Variants in KALRN observed in about 807,000 individuals in gnomAD.
KALRN encodes the protein kalirin.
Under a neutral mutation model 353.7 loss-of-function variants are expected in KALRN, and 70 were observed. The ratio of observed to expected loss-of-function variants is 0.20; its 90% confidence interval spans 0.16 to 0.24. The LOEUF (loss-of-function observed/expected upper bound fraction) is 0.24. KALRN is among the 10% of genes least tolerant of loss of function. The pLI is 1.00. For synonymous variants in KALRN, 1,391 were observed against 1,434.8 expected (o/e 0.97, Z 0.69); for missense variants, 2,791 against 3,756.7 (o/e 0.74, Z 6.72).
At chr3:124,282,146 TG>T (rs1389704458) in intron 5 of KALRN, among the ~76,000 whole-genome samples, 1 of 152,114 alleles carries the variant, frequency 6.6e-6, no homozygotes, top group Non-Finnish European at 1.5e-5. Context: ...GACCAGTGAC[TG>T]GCTGGATGTC....
chr3:124,227,990 G>C lies in KALRN; in HGVS notation c.74G>C (p.Gly25Ala). Reference sequence around the variant, plus strand: ...TTCCTTCTGGTTTGTTGTCCCACAGGGTCTTTTCGGAATGATGGTTTGAAA... The same window carrying C: ...TTCCTTCTGGTTTGTTGTCCCACAGCGTCTTTTCGGAATGATGGTTTGAAA... ...DSDVDAFFRTGSFRNDGLKAS... is the reference protein window; with the variant it reads ...DSDVDAFFRTASFRNDGLKAS... The change falls in exon 2 of 60, where the codon GGG becomes GCG. Residue 25 changes from glycine (G) to alanine (A), a missense_variant and splice_region_variant. By Grantham distance (60) the Gly-to-Ala change is moderately conservative. Transcript: ENST00000682506. 2 of 1,613,714 alleles carry C rather than the reference G, an allele frequency of 1.2e-6. No homozygotes were observed. The highest frequency in any genetic ancestry group is 1.1e-5 in the South Asian group (1 of 91,056).
chr3:124,203,258 G>A (rs59254552), intron 1 of KALRN, among the ~76,000 whole-genome samples: 20,747 of 152,138 alleles, frequency 0.14, 1,749 homozygotes, highest in Middle Eastern at 0.22. Context: ...AGTCTGGCTC[G>A]TTATCCCTGA....
chr3:124,628,672 C>T (rs1222381971), intron 34 of KALRN, among the ~76,000 whole-genome samples: 6 of 151,102 alleles, frequency 4.0e-5, no homozygotes, highest in African/African-American at 1.5e-4. Context: ...GCCTCCTAGG[C>T]TCAAACTGTT....
intron 5 of KALRN, among the ~76,000 whole-genome samples, chr3:124,284,086 G>A (rs528293043): frequency 6.6e-5 from 10 of 152,312 alleles, no homozygotes; most frequent in Non-Finnish European, 1.5e-5. Context: ...AGGAGAAAGC[G>A]GAGGCAGAGA....
At chr3:124,470,651 A>G (rs761039923) in intron 25 of KALRN, among the ~76,000 whole-genome samples, 2 of 152,154 alleles carry the variant, frequency 1.3e-5, no homozygotes, top group African/African-American at 2.4e-5. Flanking sequence ...ATGCTCATCT[A>G]TGGACTGGAT....
chr3:124,584,717 C>T (rs1260965927), intron 34 of KALRN: 6 of 1,487,068 alleles, frequency 4.0e-6, no homozygotes, highest in Admixed American at 4.7e-5. Context: ...GCGGGGAGGG[C>T]GGGAGCCGGC....
chr3:124,331,573 G>A (rs1344856508), intron 8 of KALRN, among the ~76,000 whole-genome samples: 5 of 152,282 alleles, frequency 3.3e-5, no homozygotes, highest in East Asian at 1.9e-4. Context: ...AAGGTACAAC[G>A]AAGGACTTAC....
chr3:124,281,685 C>T (rs1057508126), intron 5 of KALRN, among the ~76,000 whole-genome samples: 2 of 152,182 alleles, frequency 1.3e-5, no homozygotes, highest in Non-Finnish European at 1.5e-5. Flanking sequence ...CTTATCCATC[C>T]CCCTCAAATT....
intron 34 of KALRN, among the ~76,000 whole-genome samples, chr3:124,592,456 A>T (rs527968719): frequency 1.4e-4 from 20 of 146,730 alleles, no homozygotes; most frequent in African/African-American, 3.2e-4. Flanking sequence ...CTACATTATA[A>T]AAAAAAAAGA....
intron 34 of KALRN, among the ~76,000 whole-genome samples, chr3:124,593,309 A>G (rs2075983331): frequency 6.6e-6 from 1 of 152,206 alleles, no homozygotes; most frequent in South Asian, 2.1e-4. Context: ...TACTCACAGA[A>G]TGACTTAGAG....
intron 1 of KALRN, among the ~76,000 whole-genome samples, chr3:124,054,799 T>C (rs1437651767): frequency 6.6e-6 from 1 of 152,214 alleles, no homozygotes; most frequent in African/African-American, 2.4e-5. Flanking sequence ...TGGTTATATA[T>C]TCTTTTCCTG....
intron 28 of KALRN, among the ~76,000 whole-genome samples, chr3:124,485,812 G>A (rs1013177458): frequency 6.6e-5 from 10 of 152,204 alleles, no homozygotes; most frequent in South Asian, 2.1e-4. Context: ...CCCAGGAGGC[G>A]GAGGTTGCAG....
At chr3:124,234,727 T>A (rs1250936581) in intron 2 of KALRN, 102 bp from the exon 3 acceptor site, 1 of 870,388 alleles carries the variant, frequency 1.1e-6, no homozygotes, top group Non-Finnish European at 1.8e-6. Flanking sequence ...GGATACCCTA[T>A]TTCTGTCTGA....
At chr3:124,358,581 C>CA (rs770731374) in intron 10 of KALRN, among the ~76,000 whole-genome samples, 7 of 152,176 alleles carry the variant, frequency 4.6e-5, no homozygotes, top group Non-Finnish European at 1.0e-4. Context: ...ATAGTATGTT[C>CA]ACTGGTTGCC....
intron 1 of KALRN, among the ~76,000 whole-genome samples, chr3:124,225,505 CCCTAGGAAT>C (rs1168655802): frequency 6.6e-6 from 1 of 152,124 alleles, no homozygotes; most frequent in Non-Finnish European, 1.5e-5. Context: ...GAAGTAGAAG[CCCTAGGAAT>C]CCTAGAACAG....
rs564410326 is a variant in KALRN at position 124,436,456 on chromosome 3, C to T, written c.3048+1931C>T. Among the ~76,000 whole-genome samples, 11 of 152,376 alleles carry T rather than the reference C, an allele frequency of 7.2e-5. No individual in the cohort carries two copies. In the South Asian group the frequency reaches 1.4e-3, roughly 20 times the overall value. On this transcript the variant is annotated intron_variant, in intron 17 of 59. Transcript: ENST00000682506. ...TATCTCAAAACATGAGCTGCCTGCA[C>T]GTTTCAGGCCTTGCAGAAAGAAAGG...
intron 1 of KALRN, among the ~76,000 whole-genome samples, chr3:124,068,512 G>A (rs540213789): frequency 7.9e-5 from 12 of 152,308 alleles, no homozygotes; most frequent in South Asian, 2.1e-4. Context: ...TTAATCTTTA[G>A]AGTTCATCTA....
chr3:124,088,550 G>A (rs990154580), intron 1 of KALRN, among the ~76,000 whole-genome samples: 5 of 152,168 alleles, frequency 3.3e-5, no homozygotes, highest in African/African-American at 9.7e-5. Context: ...GCAGGAGAAT[G>A]CACTAACCTT....
At chr3:124,381,693 C>G (rs1464425236) in intron 10 of KALRN, among the ~76,000 whole-genome samples, 2 of 152,126 alleles carry the variant, frequency 1.3e-5, no homozygotes, top group Non-Finnish European at 2.9e-5. Flanking sequence ...TCAACTTATT[C>G]AAACAGGCCT....
Sources: gnomAD v4.1 joint callset for allele counts (sites outside exome capture counted in the v4.1 genomes callset) on GRCh38, gnomAD v4.1.1 for gene constraint, MANE v1.5 for transcripts, NCBI Gene and HGNC (gene_info 2026-07-23, HGNC 2026-07-21) for gene names.